The following SAMMSON variants were observed in gnomAD, a reference collection of about 807,000 sequenced individuals.
SAMMSON encodes long intergenic non-protein coding RNA 1212.
At chr3:70,111,017 A>G (rs1246682164) in intron 4 of SAMMSON, among the ~76,000 whole-genome samples, 1 of 152,202 alleles carries the variant, frequency 6.6e-6, no homozygotes, top group Non-Finnish European at 1.5e-5. Flanking sequence ...CATTAGGTCA[A>G]TTATTAGCCA....
chr3:70,040,933 A>G (rs991899359), intron 3 of SAMMSON, among the ~76,000 whole-genome samples: 7 of 152,164 alleles, frequency 4.6e-5, no homozygotes, highest in Admixed American at 3.9e-4. Flanking sequence ...AAATCCAGAT[A>G]TCGTCTCAAA....
chr3:70,298,261 AT>A (rs1455162882), intron 7 of SAMMSON, among the ~76,000 whole-genome samples: 1 of 151,932 alleles, frequency 6.6e-6, no homozygotes, highest in Non-Finnish European at 1.5e-5. Flanking sequence ...CACTGGAGTT[AT>A]TTTTTCCCCA....
At chr3:70,305,218 A>T (rs1409595185) in intron 7 of SAMMSON, among the ~76,000 whole-genome samples, 1 of 152,164 alleles carries the variant, frequency 6.6e-6, no homozygotes, top group Non-Finnish European at 1.5e-5. Context: ...ATATTTTCAC[A>T]TCTTTTTTTT....
chr3:70,041,948 C>T (rs1001534411), intron 3 of SAMMSON, among the ~76,000 whole-genome samples: 7 of 152,000 alleles, frequency 4.6e-5, no homozygotes, highest in Non-Finnish European at 1.0e-4. Flanking sequence ...AGAAATAGAG[C>T]AATCTACAGG....
At chr3:70,008,833 T>A (rs1001954537) in intron 1 of SAMMSON, among the ~76,000 whole-genome samples, 1 of 152,138 alleles carries the variant, frequency 6.6e-6, no homozygotes, top group Non-Finnish European at 1.5e-5. Context: ...AATTTATTGA[T>A]AGTTTTTAGC....
intron 7 of SAMMSON, among the ~76,000 whole-genome samples, chr3:70,293,042 A>G: frequency 8.6e-6 from 1 of 116,956 alleles, no homozygotes; most frequent in Non-Finnish European, 1.7e-5. Context: ...CTGTGGTTTG[A>G]AGCAAAAAAA....
rs73837917 is a variant in SAMMSON, at chr3:70,399,307, T to G, written n.233+40983T>G. 9.7e-3 allele frequency among the ~76,000 whole-genome samples: 1,470 copies of G among 152,268 alleles called. 23 individuals carry two copies. Among genetic ancestry groups the G allele is most frequent in the African/African-American group, 0.034 (1,414 of 41,544 alleles). ...TGTTTAAATGATCTGAATCCAAATT[T>G]CCTCATCTGTTAAATGGGGTAGAAA... On this transcript the variant is annotated intron_variant and non_coding_transcript_variant, in intron 2 of 3. Coordinates refer to the SAMMSON transcript ENST00000641053.
At chr3:70,059,439 T>G (rs1322874584) in intron 3 of SAMMSON, among the ~76,000 whole-genome samples, 2 of 152,028 alleles carry the variant, frequency 1.3e-5, no homozygotes, top group East Asian at 3.9e-4. Flanking sequence ...CCAGGAAAGC[T>G]GATAGTGTAG....
chr3:70,389,283 A>G (rs1701021175), intron 9 of SAMMSON, among the ~76,000 whole-genome samples: 1 of 152,068 alleles, frequency 6.6e-6, no homozygotes, highest in African/African-American at 2.4e-5. Context: ...TGTAGTATAA[A>G]ATGGTAACTT....
intron 3 of SAMMSON, among the ~76,000 whole-genome samples, chr3:70,037,034 A>G (rs1190335446): frequency 6.6e-6 from 1 of 152,128 alleles, no homozygotes; most frequent in Non-Finnish European, 1.5e-5. Context: ...AGGACATTTA[A>G]TAGAGGTTGA....
intron 7 of SAMMSON, among the ~76,000 whole-genome samples, chr3:70,344,478 C>G (rs984394009): frequency 1.3e-5 from 2 of 152,146 alleles, no homozygotes; most frequent in South Asian, 4.1e-4. Context: ...TCAATGAAAC[C>G]CCTGCATTCA....
intron 9 of SAMMSON, among the ~76,000 whole-genome samples, chr3:70,384,192 C>A (rs1703101762): frequency 6.6e-6 from 1 of 151,958 alleles, no homozygotes; most frequent in Admixed American, 6.6e-5. Context: ...TTAATCAATC[C>A]TTTTCAGTTA....
chr3:70,200,940 T>C (rs1701231333), intron 4 of SAMMSON, among the ~76,000 whole-genome samples: 1 of 150,958 alleles, frequency 6.6e-6, no homozygotes. Context: ...CAAAAGCCAA[T>C]CTACAGCCCT....
At chr3:70,130,579 G>A (rs1424174576) in intron 4 of SAMMSON, among the ~76,000 whole-genome samples, 1 of 152,132 alleles carries the variant, frequency 6.6e-6, no homozygotes, top group Non-Finnish European at 1.5e-5. Flanking sequence ...GGTGACTTCT[G>A]AAGTTAGCAC....
chr3:70,054,203 A>T (rs2067157807), intron 3 of SAMMSON, among the ~76,000 whole-genome samples: 1 of 152,148 alleles, frequency 6.6e-6, no homozygotes, highest in African/African-American at 2.4e-5. Context: ...ATCTTGCCCC[A>T]GTGACTACAC....
At chr3:70,174,736 C>T (rs543577037) in intron 4 of SAMMSON, among the ~76,000 whole-genome samples, 2 of 143,472 alleles carry the variant, frequency 1.4e-5, no homozygotes, top group Admixed American at 1.4e-4. Context: ...ATTATCTATT[C>T]AATTAGGGTC....
At chr3:70,350,922 T>G (rs1702790028) in intron 7 of SAMMSON, among the ~76,000 whole-genome samples, 1 of 152,088 alleles carries the variant, frequency 6.6e-6, no homozygotes, top group African/African-American at 2.4e-5. Context: ...AAAAAGCACT[T>G]CAGACAAGGG....
intron 9 of SAMMSON, among the ~76,000 whole-genome samples, chr3:70,378,325 T>C (rs1703037831): frequency 6.6e-6 from 1 of 151,942 alleles, no homozygotes; most frequent in Non-Finnish European, 1.5e-5. Context: ...ATGTCTATGA[T>C]GTGTAATGTT....
intron 7 of SAMMSON, among the ~76,000 whole-genome samples, chr3:70,318,620 TTC>T (rs1702513668): frequency 1.3e-5 from 2 of 152,008 alleles, no homozygotes; most frequent in South Asian, 4.1e-4. Context: ...CATCTGGGTC[TTC>T]TATTGACTGC....
Sources: allele counts gnomAD v4.1 joint callset (sites outside exome capture counted in the v4.1 genomes callset), GRCh38; gene constraint gnomAD v4.1.1; transcripts MANE v1.5; gene names NCBI Gene and HGNC (gene_info 2026-07-23, HGNC 2026-07-21).